The following HTR2C variants were observed in gnomAD, a reference collection of about 807,000 sequenced individuals.
The protein encoded by HTR2C is 5-hydroxytryptamine (serotonin) receptor 2C, G protein-coupled.
HTR2C carries 5 observed loss-of-function variants against 21.0 expected under a neutral mutation model. The ratio of observed to expected loss-of-function variants is 0.24; its 90% CI spans 0.12 to 0.50. The LOEUF (loss-of-function observed/expected upper bound fraction) is 0.50, where lower values mean the gene tolerates loss of function less well. Ranked by LOEUF, HTR2C falls within the 20% of genes least tolerant of loss-of-function variation. The probability of loss-of-function intolerance (pLI) is 0.98; values close to 1 mark genes in which losing one functional copy is unlikely to be tolerated. For missense variants in HTR2C, 271 were observed against 371.2 expected, an observed-to-expected ratio of 0.73 and a Z score of 2.22; for synonymous variants, 150 against 145.3, an observed-to-expected ratio of 1.03 and a Z score of -0.23.
At chrX:114,601,213 G>A (rs1490391243) in intron 1 of HTR2C, among the ~76,000 whole-genome samples, 1 of 111,363 alleles carries the variant, frequency 9.0e-6, no homozygotes, top group Non-Finnish European at 1.9e-5. Flanking sequence ...CAAGAAGACA[G>A]TTGAGAGGAA....
intron 4 of HTR2C, among the ~76,000 whole-genome samples, chrX:114,806,093 T>C (rs1556449287): frequency 9.9e-6 from 1 of 101,095 alleles, no homozygotes; most frequent in African/African-American, 3.6e-5. Flanking sequence ...ATATACCACA[T>C]ATATACACCA....
At chrX:114,836,289 G>T (rs2070781924) in intron 4 of HTR2C, among the ~76,000 whole-genome samples, 1 of 111,418 alleles carries the variant, frequency 9.0e-6, no homozygotes, top group South Asian at 3.8e-4. Flanking sequence ...GCAATGGCGG[G>T]CGCCCCTCCC....
chrX:114,854,343 G>A (rs2070942031), intron 5 of HTR2C, among the ~76,000 whole-genome samples: 1 of 110,666 alleles, frequency 9.0e-6, no homozygotes, highest in African/African-American at 3.3e-5. Context: ...TAAATAATTA[G>A]CTCTATTAAA....
At chrX:114,884,475 C>A (rs1273157615) in intron 5 of HTR2C, among the ~76,000 whole-genome samples, 1 of 110,142 alleles carries the variant, frequency 9.1e-6, no homozygotes, top group Non-Finnish European at 1.9e-5. Context: ...ACAAATAATC[C>A]AAATAAAAAT....
At chrX:114,850,608 C>A (rs2070909313) in intron 5 of HTR2C, among the ~76,000 whole-genome samples, 5 of 110,890 alleles carry the variant, frequency 4.5e-5, no homozygotes, top group Non-Finnish European at 9.4e-5. Context: ...CTTGAGGTTG[C>A]AGTGAGCTAT....
chrX:114,689,827 G>C (rs888346797), intron 2 of HTR2C, among the ~76,000 whole-genome samples: 7 of 111,484 alleles, frequency 6.3e-5, no homozygotes, highest in Admixed American at 4.8e-4. Context: ...AGTTAAAGTA[G>C]AACTATAATA....
At chrX:114,679,229 C>T (rs1931667581) in intron 2 of HTR2C, among the ~76,000 whole-genome samples, 1 of 110,767 alleles carries the variant, frequency 9.0e-6, no homozygotes, top group African/African-American at 3.3e-5. Context: ...CTGGCTTATC[C>T]TTGGCAGTCT....
intron 1 of HTR2C, among the ~76,000 whole-genome samples, chrX:114,605,088 A>T (rs1192133525): frequency 9.0e-6 from 1 of 111,203 alleles, no homozygotes; most frequent in South Asian, 3.7e-4. Context: ...CAAACAAGTC[A>T]TGAACTGGGC....
intron 1 of HTR2C, among the ~76,000 whole-genome samples, chrX:114,609,516 A>G (rs1207898647): frequency 9.0e-6 from 1 of 111,276 alleles, no homozygotes; most frequent in Non-Finnish European, 1.9e-5. Context: ...CTTTTGGTTG[A>G]CCACGTTCGG....
chrX:114,749,656 A>C (rs1556427388), intron 4 of HTR2C, among the ~76,000 whole-genome samples: 1 of 109,465 alleles, frequency 9.1e-6, no homozygotes, highest in East Asian at 2.9e-4. Context: ...GATATGCAGG[A>C]ATTAATCTCA....
At chrX:114,722,718 G>T (rs1444839416) in intron 2 of HTR2C, among the ~76,000 whole-genome samples, 1 of 107,178 alleles carries the variant, frequency 9.3e-6, no homozygotes, top group African/African-American at 3.4e-5. Flanking sequence ...TGAGTTTTTA[G>T]CATGAAGGAT....
At chrX:114,786,456 T>G (rs1390639486) in intron 4 of HTR2C, among the ~76,000 whole-genome samples, 1 of 111,678 alleles carries the variant, frequency 9.0e-6, no homozygotes, top group African/African-American at 3.3e-5. Flanking sequence ...ATACTGAAAT[T>G]TATGCCTTTA....
intron 2 of HTR2C, among the ~76,000 whole-genome samples, chrX:114,641,940 C>G (rs1930150567): frequency 9.0e-6 from 1 of 111,143 alleles, no homozygotes; most frequent in African/African-American, 3.3e-5. Flanking sequence ...GTTCCCCTCC[C>G]TGTGTCCACG....
intron 2 of HTR2C, among the ~76,000 whole-genome samples, chrX:114,649,725 C>T (rs1930485480): frequency 9.0e-6 from 1 of 110,951 alleles, no homozygotes; most frequent in Admixed American, 9.7e-5. Flanking sequence ...AAGCAATTCT[C>T]CTGGCTCAGA....
intron 2 of HTR2C, among the ~76,000 whole-genome samples, chrX:114,707,500 A>C (rs142578650): frequency 0.012 from 1,324 of 111,902 alleles, 14 homozygotes; most frequent in African/African-American, 0.04. Flanking sequence ...TATAAAACCT[A>C]AAGATGTAAA....
At chrX:114,669,049 GT>G (rs1481567177) in intron 2 of HTR2C, among the ~76,000 whole-genome samples, 1 of 110,610 alleles carries the variant, frequency 9.0e-6, no homozygotes, top group Non-Finnish European at 1.9e-5. Flanking sequence ...AGGTACATGT[GT>G]TATACAATAC....
chrX:114,674,719 G>A (rs1179301593), intron 2 of HTR2C, among the ~76,000 whole-genome samples: 2 of 111,492 alleles, frequency 1.8e-5, no homozygotes, highest in Admixed American at 9.6e-5. Context: ...ATCCCTTCAA[G>A]TACATAAGAC....
rs1288356634 is a variant in HTR2C at position 114,807,146 on chromosome X, A to G, written c.350-40857A>G. 5.9e-5 allele frequency among the ~76,000 whole-genome samples: 2 copies of G among 33,949 alleles called. 1 individual carries two copies. Among genetic ancestry groups the G allele is most frequent in the Non-Finnish European group, 9.5e-5 (2 of 21,112 alleles). 29.5% of individuals were successfully genotyped at this position (33,949 alleles called of 115,157 possible). A position where few individuals can be genotyped will look rare whatever the true frequency, so the allele number is the denominator to read the frequency against. Reference sequence around the variant, plus strand: ...CATATATACACCATATATATACCATATATACACCATATATATACCCCATAT... The same window carrying G: ...CATATATACACCATATATATACCATGTATACACCATATATATACCCCATAT... On this transcript the variant is annotated intron_variant, in intron 4 of 5. Transcript: ENST00000276198.
rs782206973 is a variant in HTR2C at position 114,741,524 on chromosome X, T to TAAAAA, written c.349+9938_349+9942dup. Among the ~76,000 whole-genome samples the TAAAAA allele has an allele frequency of 6.1e-3, 30 of 4,898 alleles. 2 individuals carry two copies. Among genetic ancestry groups the TAAAAA allele is most frequent in the Admixed American group, 0.011 (2 of 190 alleles). The allele number at this position is 4,898 out of a possible 115,157, so 4.3% of individuals were successfully genotyped here. Reference sequence around the variant, plus strand: ...GGCGACAGAGCAAGACGACTCCGTCTAAAAAAAAAAAAAAAAAAAAAAAAA... The same window carrying TAAAAA: ...GGCGACAGAGCAAGACGACTCCGTCTAAAAAAAAAAAAAAAAAAAAAAAAAAAAAA... On this transcript the variant is annotated intron_variant, in intron 4 of 5. Transcript: ENST00000276198.
Sources: allele counts gnomAD v4.1 joint callset (sites outside exome capture counted in the v4.1 genomes callset), GRCh38; gene constraint gnomAD v4.1.1; transcripts MANE v1.5; gene names NCBI Gene and HGNC (gene_info 2026-07-23, HGNC 2026-07-21).